ABI1: variants seen among roughly 807,000 people sequenced by gnomAD.
The protein encoded by ABI1 is Abelson interactor 1.
A neutral mutation model predicts 54.6 loss-of-function variants in ABI1; 14 were observed. The ratio of observed to expected loss-of-function variants is 0.26; its 90% CI spans 0.17 to 0.40. The LOEUF (loss-of-function observed/expected upper bound fraction) is 0.40. Ranked by LOEUF, ABI1 falls within the 10% of genes least tolerant of loss-of-function variation. The pLI, the probability that ABI1 is intolerant of heterozygous loss-of-function variation, is 1.00. For synonymous variants in ABI1, 194 were observed against 209.3 expected, an observed-to-expected ratio of 0.93 and a Z score of 0.63; for missense variants, 443 against 598.3, an observed-to-expected ratio of 0.74 and a Z score of 2.71.
intron 2 of ABI1, among the ~76,000 whole-genome samples, chr10:26,780,460 C>T (rs113272019): frequency 2.2e-4 from 33 of 152,182 alleles, no homozygotes; most frequent in African/African-American, 8.0e-4. Flanking sequence ...TCTCGAACTC[C>T]TGGGCTCAAG....
intron 1 of ABI1, among the ~76,000 whole-genome samples, chr10:26,849,945 T>C (rs375798930): frequency 6.6e-6 from 1 of 152,238 alleles, no homozygotes; most frequent in African/African-American, 2.4e-5. Context: ...ATTGATATAG[T>C]TTCAGAGTCC....
chr10:26,837,446 G>C (rs12265625), intron 1 of ABI1, among the ~76,000 whole-genome samples: 21,057 of 152,126 alleles, frequency 0.14, 1,804 homozygotes, highest in African/African-American at 0.24. Flanking sequence ...GTCACATGGT[G>C]GGGGAGACGG....
At chr10:26,774,087 T>G (rs1180229048) in intron 3 of ABI1, among the ~76,000 whole-genome samples, 1 of 152,172 alleles carries the variant, frequency 6.6e-6, no homozygotes, top group Non-Finnish European at 1.5e-5. Context: ...AAATCCCTCA[T>G]ATAAACTGGT....
At chr10:26,857,643 CAAAA>C (rs372472533) in intron 1 of ABI1, among the ~76,000 whole-genome samples, 1,775 of 84,474 alleles carry the variant, frequency 0.021, 28 homozygotes, top group African/African-American at 0.058. Context: ...GACTGTGTCT[CAAAA>C]AAAAAAAAAA....
At chr10:26,823,720 C>A (rs1349188706) in intron 1 of ABI1, among the ~76,000 whole-genome samples, 1 of 152,184 alleles carries the variant, frequency 6.6e-6, no homozygotes, top group East Asian at 1.9e-4. Context: ...TAACCACCAT[C>A]GGAAATCCAA....
intron 1 of ABI1, among the ~76,000 whole-genome samples, chr10:26,825,368 AAAT>A (rs976249142): frequency 6.6e-6 from 1 of 152,052 alleles, no homozygotes; most frequent in Non-Finnish European, 1.5e-5. Flanking sequence ...TCTGAAAAAA[AAAT>A]TTTTTTTGGC....
At chr10:26,776,041 G>A (rs1267366745) in intron 3 of ABI1, among the ~76,000 whole-genome samples, 1 of 152,148 alleles carries the variant, frequency 6.6e-6, no homozygotes, top group African/African-American at 2.4e-5. Flanking sequence ...CTGAATTTCA[G>A]CTCTTATACA....
chr10:26,748,131 A>AT lies in ABI1; in HGVS notation c.*438dup, dbSNP rs898253993. ...TTTATGCATGCTTTAAACAAACAGT[A>AT]TTTTTTTTAAATGAGAGAATCTAAC... On this transcript the variant is annotated 3_prime_UTR_variant, in exon 11 of 11. Transcript: ENST00000376140. 15 of 215,242 alleles carry AT rather than the reference A, an allele frequency of 7.0e-5. No homozygotes were observed. The highest frequency in any genetic ancestry group is 2.8e-4 in the East Asian group (4 of 14,324). 13.3% of individuals were successfully genotyped at this position (215,242 alleles called of 1,614,324 possible).
chr10:26,831,475 G>A (rs753751008), intron 1 of ABI1, among the ~76,000 whole-genome samples: 3 of 152,078 alleles, frequency 2.0e-5, no homozygotes, highest in South Asian at 2.1e-4. Context: ...CCCAGGAGGC[G>A]GAGCTTGCAG....
At chr10:26,789,548 G>A (rs958251403) in intron 2 of ABI1, among the ~76,000 whole-genome samples, 18 of 152,104 alleles carry the variant, frequency 1.2e-4, no homozygotes, top group African/African-American at 4.3e-4. Context: ...TTACGCAGTG[G>A]TTCACAAAAT....
intron 4 of ABI1, 149 bp downstream of exon 4, chr10:26,770,926 T>C: frequency 2.6e-6 from 2 of 757,668 alleles, no homozygotes; most frequent in Non-Finnish European, 4.4e-6. Context: ...GTTGCTTATT[T>C]GAACTGAACT....
chr10:26,772,893 C>T (rs922269882), intron 3 of ABI1, among the ~76,000 whole-genome samples: 5 of 150,936 alleles, frequency 3.3e-5, no homozygotes, highest in East Asian at 2.0e-4. Context: ...GGCAACAAGG[C>T]GAAACCCCTT....
In ABI1 at chr10:26,860,011, C is replaced by A. The variant is rs917834915; in HGVS notation, c.117+736G>T. On this transcript the variant is annotated intron_variant, in intron 1 of 10. Coordinates refer to ENST00000376140, the MANE Select transcript of ABI1 (RefSeq NM_001012750.3). This position sits in a 1 kb window ranked among gnomAD's most constrained non-coding sequence, Gnocchi z 4.1. ...GAGAGGGGGAAAAAAATAAAAAAAA[C>A]CCGACTTGAAAATGGACAAGCAGAC... is the stretch of plus-strand genomic sequence containing the variant. Among the ~76,000 whole-genome samples the A allele has an allele frequency of 2.3e-4, 35 of 151,626 alleles. No homozygotes were observed. The highest frequency in any genetic ancestry group is 7.7e-4 in the African/African-American group (32 of 41,330).
intron 2 of ABI1, among the ~76,000 whole-genome samples, chr10:26,780,830 C>A (rs1842013746): frequency 6.6e-6 from 1 of 152,192 alleles, no homozygotes; most frequent in African/African-American, 2.4e-5. Context: ...AAGTTACCAG[C>A]TTCCAACTGC....
At chr10:26,817,092 C>T (rs768926912) in intron 2 of ABI1, among the ~76,000 whole-genome samples, 1 of 151,730 alleles carries the variant, frequency 6.6e-6, no homozygotes, top group Non-Finnish European at 1.5e-5. Context: ...TTCTGCCTCC[C>T]GAGTTGAGGC....
Position 26,842,760 on chromosome 10 carries a change from CA to C in ABI1, c.117+17986del, listed in dbSNP as rs1164643450. ...AGTACTACATAATAAATTAGAGCCA[CA>C]AGAGGCTAGGCGCAGTGGCTCACGC... On this transcript the variant is annotated intron_variant, in intron 1 of 10. Transcript: ENST00000376140. 5.9e-5 allele frequency among the ~76,000 whole-genome samples: 9 copies of C among 152,296 alleles called. No homozygotes were observed. In the South Asian group the frequency reaches 6.2e-4, roughly 11 times the overall value.
intron 3 of ABI1, among the ~76,000 whole-genome samples, chr10:26,773,588 T>G (rs995163823): frequency 6.6e-6 from 1 of 152,106 alleles, no homozygotes. Context: ...ATGTAAACAT[T>G]ATAAAGCTTT....
chr10:26,808,035 T>C (rs1368671599), intron 2 of ABI1, among the ~76,000 whole-genome samples: 1 of 152,160 alleles, frequency 6.6e-6, no homozygotes, highest in Non-Finnish European at 1.5e-5. Context: ...GAGGTTGCAG[T>C]GAGCTGAGAT....
chr10:26,835,129 A>G (rs1190191719), intron 1 of ABI1, among the ~76,000 whole-genome samples: 1 of 151,216 alleles, frequency 6.6e-6, no homozygotes, highest in Non-Finnish European at 1.5e-5. Context: ...ACAATGCAAT[A>G]TCATCTCACC....
Sources: gnomAD v4.1 joint callset for allele counts (sites outside exome capture counted in the v4.1 genomes callset) on GRCh38, gnomAD v4.1.1 for gene constraint, Gnocchi (gnomAD v3.1) non-coding constraint, MANE v1.5 for transcripts, NCBI Gene and HGNC (gene_info 2026-07-23, HGNC 2026-07-21) for gene names.